Variants in SSH2 observed in about 807,000 individuals in gnomAD.
SSH2 encodes protein phosphatase Slingshot homolog 2.
SSH2 carries 37 observed loss-of-function variants against 135.2 expected under a neutral mutation model. That is an observed-to-expected ratio of 0.27 (90% CI 0.21 to 0.36). The LOEUF is 0.36. Ranked by LOEUF, SSH2 falls within the 10% of genes least tolerant of loss-of-function variation. SSH2 has a pLI of 1.00. For missense variants in SSH2, 1,408 were observed against 1,765.3 expected (o/e 0.80, Z 3.63); for synonymous variants, 628 against 646.2 (o/e 0.97, Z 0.43).
chr17:29,674,957 AG>A (rs530513879), intron 8 of SSH2, among the ~76,000 whole-genome samples: 119 of 152,346 alleles, frequency 7.8e-4, no homozygotes, highest in South Asian at 7.0e-3. Flanking sequence ...GCTTGATTTA[AG>A]GTTATTACTT....
intron 1 of SSH2, chr17:29,855,912 A>G: frequency 4.1e-6 from 1 of 244,116 alleles, no homozygotes; most frequent in Non-Finnish European, 7.9e-6. Context: ...GGAAAAGAAG[A>G]GGCGCTAGGT....
At chr17:29,837,298 A>G (rs1366449049) in intron 2 of SSH2, among the ~76,000 whole-genome samples, 1 of 152,144 alleles carries the variant, frequency 6.6e-6, no homozygotes, top group Non-Finnish European at 1.5e-5. Flanking sequence ...GACATCTTAG[A>G]TAGCAAACTA....
chr17:29,676,774 C>T, intron 8 of SSH2, 46 bp downstream of exon 8: 1 of 1,450,168 alleles, frequency 6.9e-7, no homozygotes, highest in Middle Eastern at 1.7e-4. Flanking sequence ...AATATTCCTC[C>T]AATAACATTA....
At chr17:29,704,374 G>A (rs924912438) in intron 3 of SSH2, among the ~76,000 whole-genome samples, 2 of 152,144 alleles carry the variant, frequency 1.3e-5, no homozygotes, top group Non-Finnish European at 2.9e-5. Flanking sequence ...TAATATAGGT[G>A]GAGAATTACT....
chr17:29,819,193 A>G (rs1456563205), intron 2 of SSH2, among the ~76,000 whole-genome samples: 2 of 152,110 alleles, frequency 1.3e-5, no homozygotes, highest in Non-Finnish European at 2.9e-5. Context: ...GCCATTGAAA[A>G]AAAAAGCACC....
intron 3 of SSH2, among the ~76,000 whole-genome samples, chr17:29,759,147 C>T (rs1245289244): frequency 6.6e-6 from 1 of 152,038 alleles, no homozygotes; most frequent in Non-Finnish European, 1.5e-5. Context: ...GCTATCTTTC[C>T]ACCTCAGCCT....
At chr17:29,791,094 A>ATTC in intron 3 of SSH2, among the ~76,000 whole-genome samples, 1 of 146,400 alleles carries the variant, frequency 6.8e-6, no homozygotes, top group East Asian at 2.1e-4. Context: ...TATTATTATT[A>ATTC]TTAATTTTTG....
chr17:29,688,894 G>A (rs1291738669), intron 5 of SSH2, among the ~76,000 whole-genome samples: 5 of 152,142 alleles, frequency 3.3e-5, no homozygotes, highest in African/African-American at 7.2e-5. Flanking sequence ...AGTGGCTCAC[G>A]TCTGTAATCC....
intron 1 of SSH2, among the ~76,000 whole-genome samples, chr17:29,918,252 G>A (rs770348121): frequency 6.6e-6 from 1 of 152,110 alleles, no homozygotes; most frequent in Non-Finnish European, 1.5e-5. Context: ...TAAGGGCAGG[G>A]GGGTGGAATT....
chr17:29,632,587 T>A lies in SSH2; in HGVS notation c.2607A>T (p.Glu869Asp), dbSNP rs779950111. The change falls in exon 16 of 16, where the codon GAA becomes GAT. Residue 869 changes from glutamate to aspartate, a missense_variant. Glu to Asp is a conservative substitution (Grantham distance 45). Around this residue, in one of 3 missense-constraint regions of SSH2, gnomAD observed 1,080 missense variants for 1,144.5 expected, o/e 0.94. Coordinates refer to ENST00000540801, the MANE Select transcript of SSH2 (RefSeq NM_001282129.2). The part of the protein sequence containing the change: ...HSSIADLEEG[E>D]PAEGEQELQG... ...GGAGCTCTTGTTCCCCCTCAGCTGG[T>A]TCCCCTTCTTCCAAGTCTGCTATAG... 2 of 1,614,096 alleles carry A rather than the reference T, an allele frequency of 1.2e-6. No individual in the cohort carries two copies. The highest frequency in any genetic ancestry group is 1.7e-5 in the Admixed American group (1 of 60,012).
intron 3 of SSH2, among the ~76,000 whole-genome samples, chr17:29,718,699 C>G (rs1006366010): frequency 8.1e-6 from 1 of 123,554 alleles, no homozygotes; most frequent in Non-Finnish European, 1.6e-5. Flanking sequence ...TGCCACTGCA[C>G]TCTAGACTGG....
At chr17:29,672,277 C>A in intron 8 of SSH2, 148 bp from the exon 9 acceptor site, 1 of 587,814 alleles carries the variant, frequency 1.7e-6, no homozygotes, top group Non-Finnish European at 3.0e-6. Flanking sequence ...TTCTCCAATT[C>A]TGATTATACC....
intron 3 of SSH2, among the ~76,000 whole-genome samples, chr17:29,783,982 C>T (rs1246416747): frequency 3.8e-5 from 5 of 130,446 alleles, no homozygotes; most frequent in African/African-American, 1.2e-4. Flanking sequence ...AGGAGAATGG[C>T]GTGAACCCGG....
rs202244246 is a variant in SSH2, at chr17:29,635,265, CAT to C, written c.2262+701_2262+702del. On this transcript the variant is annotated intron_variant, in intron 15 of 15. Transcript: ENST00000540801. ...GTTGCTACTGTAACAACTATTCACA[CAT>C]GTCTAGTCTTTGACTTTTCTGAGAC... Among the ~76,000 whole-genome samples, 1,509 of 152,332 alleles carry C rather than the reference CAT, an allele frequency of 9.9e-3. 21 individuals are homozygous for C. The highest frequency in any genetic ancestry group is 0.034 in the African/African-American group (1,416 of 41,576).
intron 3 of SSH2, among the ~76,000 whole-genome samples, chr17:29,786,606 T>A (rs2041970240): frequency 6.6e-6 from 1 of 152,164 alleles, no homozygotes; most frequent in Non-Finnish European, 1.5e-5. Context: ...AATTATGTTA[T>A]CTTTTTATGC....
At chr17:29,709,228 T>C (rs1237342972) in intron 3 of SSH2, among the ~76,000 whole-genome samples, 6 of 152,130 alleles carry the variant, frequency 3.9e-5, no homozygotes, top group Admixed American at 3.9e-4. Flanking sequence ...ATACAGCTAG[T>C]AAGCCTCAGA....
At chr17:29,917,142 T>C (rs989535864) in intron 1 of SSH2, among the ~76,000 whole-genome samples, 6 of 151,746 alleles carry the variant, frequency 4.0e-5, no homozygotes, top group East Asian at 1.9e-4. Context: ...TTTCCAAACA[T>C]AGAAGTTTCA....
intron 3 of SSH2, among the ~76,000 whole-genome samples, chr17:29,738,547 T>C (rs960568584): frequency 1.3e-5 from 2 of 150,000 alleles, no homozygotes; most frequent in African/African-American, 2.4e-5. Flanking sequence ...TTTTTTCTTT[T>C]TTATTTTATT....
At chr17:29,650,463 C>T (rs2036542182) in intron 13 of SSH2, among the ~76,000 whole-genome samples, 191 bp downstream of exon 13, 1 of 152,040 alleles carries the variant, frequency 6.6e-6, no homozygotes, top group Non-Finnish European at 1.5e-5. Flanking sequence ...TTACTTTCTC[C>T]TAGGGGTTTA....
Sources: allele counts gnomAD v4.1 joint callset (sites outside exome capture counted in the v4.1 genomes callset), GRCh38; gene constraint gnomAD v4.1.1; regional missense constraint gnomAD v4.1.1; transcripts MANE v1.5; gene names NCBI Gene and HGNC (gene_info 2026-07-23, HGNC 2026-07-21).